CSMD3: variants seen among roughly 807,000 people sequenced by gnomAD.
CSMD3 encodes CUB and sushi domain-containing protein 3.
Under a neutral mutation model 435.2 loss-of-function variants are expected in CSMD3, and 177 were observed. The ratio of observed to expected loss-of-function variants is 0.41; its 90% CI spans 0.36 to 0.46. The LOEUF (loss-of-function observed/expected upper bound fraction) is 0.46. Among genes scored for constraint, CSMD3 ranks in the 20% least tolerant of loss-of-function variants. The probability of loss-of-function intolerance (pLI) is 0.34; values close to 1 mark genes in which losing one functional copy is unlikely to be tolerated. For missense variants in CSMD3, 4,265 were observed against 4,504.6 expected, an observed-to-expected ratio of 0.95 and a Z score of 1.52; for synonymous variants, 1,656 against 1,520.5, an observed-to-expected ratio of 1.09 and a Z score of -2.07.
rs558760595 is a variant in CSMD3 at position 112,533,643 on chromosome 8, G to A, written c.4565-16418C>T. 5.3e-5 allele frequency among the ~76,000 whole-genome samples: 8 copies of A among 151,970 alleles called. No individual in the cohort carries two copies. In the South Asian group the frequency reaches 1.7e-3, roughly 32 times the overall value. ...ACAGCAGATATTAATACAGCTAAAG[G>A]GAGAGAGAAAGAACAGTACAATAAT... is the stretch of plus-strand genomic sequence containing the variant. On this transcript the variant is annotated intron_variant, in intron 27 of 70. Coordinates refer to ENST00000297405, the MANE Select transcript of CSMD3 (RefSeq NM_198123.2).
At chr8:112,998,007 C>T (rs1366585418) in intron 6 of CSMD3, among the ~76,000 whole-genome samples, 1 of 151,380 alleles carries the variant, frequency 6.6e-6, no homozygotes, top group Non-Finnish European at 1.5e-5. Flanking sequence ...TACTGCCTTA[C>T]TTTGAGCCCT....
chr8:112,966,988 T>G (rs2084442675), intron 7 of CSMD3, among the ~76,000 whole-genome samples: 1 of 151,944 alleles, frequency 6.6e-6, no homozygotes, highest in Non-Finnish European at 1.5e-5. Flanking sequence ...TTGTTCTCTC[T>G]CCATGATGAT....
intron 53 of CSMD3, among the ~76,000 whole-genome samples, chr8:112,298,088 AAAT>A (rs1236437595): frequency 0.012 from 1,205 of 98,074 alleles, 10 homozygotes; most frequent in East Asian, 0.018. Flanking sequence ...AAAAAAAAAA[AAAT>A]AAGTAAAGAC....
chr8:112,623,386 A>G (rs1011385221), intron 22 of CSMD3, among the ~76,000 whole-genome samples: 4 of 152,090 alleles, frequency 2.6e-5, no homozygotes, highest in African/African-American at 9.7e-5. Context: ...CTATCCTTCC[A>G]CACAAAAAAA....
chr8:112,834,764 A>G (rs79590044), intron 11 of CSMD3, among the ~76,000 whole-genome samples: 2 of 151,842 alleles, frequency 1.3e-5, no homozygotes, highest in African/African-American at 4.8e-5. Context: ...TTTATTTGGT[A>G]GTAGGGCTGA....
intron 3 of CSMD3, among the ~76,000 whole-genome samples, chr8:113,254,368 G>A (rs1455371967): frequency 6.6e-6 from 1 of 152,124 alleles, no homozygotes; most frequent in East Asian, 1.9e-4. Context: ...GGCTAACCAG[G>A]GTCCAGGCGT....
chr8:113,261,315 G>T (rs557927532), intron 3 of CSMD3, among the ~76,000 whole-genome samples: 1 of 152,144 alleles, frequency 6.6e-6, no homozygotes, highest in South Asian at 2.1e-4. Flanking sequence ...TTGCTTCAGG[G>T]ACTTCATAAT....
intron 1 of CSMD3, among the ~76,000 whole-genome samples, chr8:113,345,325 A>C (rs1297429548): frequency 1.3e-5 from 2 of 152,170 alleles, no homozygotes; most frequent in Non-Finnish European, 2.9e-5. Context: ...GCTAACCAAA[A>C]TAATTTAATG....
rs536050269 is a variant in CSMD3, at chr8:113,410,194, T to C, written c.178+26483A>G. Among the ~76,000 whole-genome samples the C allele has an allele frequency of 5.9e-5, 9 of 152,306 alleles. No homozygotes were observed. In the East Asian group the frequency reaches 1.2e-3, roughly 20 times the overall value. ...GTGTTTTATTTTGTAATTAATATTATGTATTTAAGATATATTCTAACTACC... is the reference window on the plus strand; with the variant it reads ...GTGTTTTATTTTGTAATTAATATTACGTATTTAAGATATATTCTAACTACC... On this transcript the variant is annotated intron_variant, in intron 1 of 70. Transcript: ENST00000297405.
chr8:112,866,347 A>G (rs1240179569), intron 10 of CSMD3, among the ~76,000 whole-genome samples: 1 of 152,134 alleles, frequency 6.6e-6, no homozygotes, highest in Non-Finnish European at 1.5e-5. Flanking sequence ...GATAAGCCTA[A>G]TATGATAATA....
chr8:112,782,013 C>T (rs1212096439), intron 13 of CSMD3, among the ~76,000 whole-genome samples: 2 of 152,070 alleles, frequency 1.3e-5, no homozygotes, highest in Non-Finnish European at 2.9e-5. Context: ...CAATAAATAC[C>T]TAACTCTTCA....
intron 22 of CSMD3, among the ~76,000 whole-genome samples, chr8:112,636,427 A>G (rs2074658455): frequency 6.6e-6 from 1 of 152,122 alleles, no homozygotes; most frequent in Admixed American, 6.6e-5. Flanking sequence ...TATCAATAGA[A>G]TACAAGAATT....
chr8:113,409,170 G>A (rs886381337), intron 1 of CSMD3, among the ~76,000 whole-genome samples: 6 of 135,310 alleles, frequency 4.4e-5, no homozygotes, highest in Non-Finnish European at 9.2e-5. Context: ...TGCAACCTCC[G>A]CCTCCGGGTT....
intron 69 of CSMD3, among the ~76,000 whole-genome samples, chr8:112,230,863 A>G (rs1439549236): frequency 6.6e-6 from 1 of 152,178 alleles, no homozygotes; most frequent in African/African-American, 2.4e-5. Flanking sequence ...GTCAAATAAT[A>G]ATTTTTAGAG....
chr8:113,006,277 T>G (rs2086052406), intron 6 of CSMD3, among the ~76,000 whole-genome samples: 1 of 152,012 alleles, frequency 6.6e-6, no homozygotes, highest in Admixed American at 6.6e-5. Flanking sequence ...TGTCTCTATA[T>G]GTATTTATTT....
intron 31 of CSMD3, 37 bp from the exon 32 acceptor site, chr8:112,472,744 A>G (rs1818652708): frequency 8.8e-7 from 1 of 1,131,278 alleles, no homozygotes; most frequent in Non-Finnish European, 1.3e-6. Context: ...TTTTAGAAAA[A>G]AGTTTTAAAA....
intron 17 of CSMD3, among the ~76,000 whole-genome samples, chr8:112,660,058 ACT>A (rs1364235490): frequency 6.6e-6 from 1 of 152,044 alleles, no homozygotes; most frequent in Non-Finnish European, 1.5e-5. Flanking sequence ...AAGTGACATG[ACT>A]CTGTAATAAA....
At chr8:112,409,822 A>C (rs1362472198) in intron 32 of CSMD3, among the ~76,000 whole-genome samples, 1 of 151,976 alleles carries the variant, frequency 6.6e-6, no homozygotes, top group Non-Finnish European at 1.5e-5. Context: ...CTGTTTCAAG[A>C]ACAGAAATCA....
intron 27 of CSMD3, among the ~76,000 whole-genome samples, chr8:112,526,645 A>T (rs1341144026): frequency 6.6e-6 from 1 of 152,174 alleles, no homozygotes; most frequent in Middle Eastern, 3.4e-3. Context: ...ACCAAAATTT[A>T]CATTTGTATT....
Sources: gnomAD v4.1 joint callset for allele counts (sites outside exome capture counted in the v4.1 genomes callset) on GRCh38, gnomAD v4.1.1 for gene constraint, MANE v1.5 for transcripts, NCBI Gene and HGNC (gene_info 2026-07-23, HGNC 2026-07-21) for gene names.